The following ANKIB1 variants were observed in gnomAD, a reference collection of about 807,000 sequenced individuals.
ANKIB1 encodes the protein ankyrin repeat and IBR domain containing 1, also known as ankyrin repeat and IBR domain-containing protein 1.
ANKIB1 carries 43 observed loss-of-function variants against 122.1 expected under a neutral mutation model. That is an observed-to-expected ratio of 0.35 (90% CI 0.28 to 0.45). The LOEUF is 0.45. ANKIB1 is among the 20% of genes least tolerant of loss of function. The probability of loss-of-function intolerance (pLI) is 1.00; values close to 1 mark genes in which losing one functional copy is unlikely to be tolerated. For missense variants in ANKIB1, 992 were observed against 1,329.5 expected, an observed-to-expected ratio of 0.75 and a Z score of 3.95; for synonymous variants, 390 against 442.0, an observed-to-expected ratio of 0.88 and a Z score of 1.48.
chr7:92,386,383 T>G, intron 11 of ANKIB1, 126 bp from the exon 12 acceptor site: 27 of 1,041,866 alleles, frequency 2.6e-5, no homozygotes, highest in South Asian at 4.3e-5. Context: ...GGCATGTCTT[T>G]GAGAAGATTT....
chr7:92,278,909 A>G (rs10953067), intron 1 of ANKIB1, among the ~76,000 whole-genome samples: 14,293 of 152,262 alleles, frequency 0.094, 889 homozygotes, highest in East Asian at 0.36. Flanking sequence ...GTAAGTTGCA[A>G]TGAATCAAGA....
intron 3 of ANKIB1, among the ~76,000 whole-genome samples, chr7:92,316,891 T>C (rs1165653838): frequency 2.0e-5 from 3 of 152,238 alleles, no homozygotes; most frequent in African/African-American, 4.8e-5. Context: ...TGATTTGTCT[T>C]GTTTTCTAAA....
intron 17 of ANKIB1, among the ~76,000 whole-genome samples, chr7:92,395,347 G>T (rs891251616): frequency 1.2e-4 from 18 of 152,112 alleles, no homozygotes. Flanking sequence ...ATATAGAAAA[G>T]AAGCTAAATA....
rs1803510146 is a variant in ANKIB1, at chr7:92,344,988, G to T, written c.1007G>T (p.Cys336Phe). ...CTTCTTCATCTCCAGTGTGACATTT[G>T]TATGTGCAGTATCTCTGTATTTGAA... The part of the protein sequence containing the change: ...GDLDTSLCDI[C>F]MCSISVFEDP... The change falls in exon 7 of 20, where the codon TGT becomes TTT. Residue 336 changes from cysteine to phenylalanine, a missense_variant. Physicochemically the swap from Cys to Phe is radical, Grantham distance 205. Coordinates refer to ENST00000265742, the MANE Select transcript of ANKIB1 (RefSeq NM_019004.2). 1 of 1,610,062 alleles carries T rather than the reference G, an allele frequency of 6.2e-7. No individual in the cohort carries two copies. The highest frequency in any genetic ancestry group is 8.5e-7 in the Non-Finnish European group (1 of 1,177,188).
At chr7:92,319,764 T>C in intron 4 of ANKIB1, 3 of 378,576 alleles carry the variant, frequency 7.9e-6, no homozygotes, top group Non-Finnish European at 1.4e-5. Flanking sequence ...AGCAAGACTC[T>C]ATCTACAAAA....
At chr7:92,247,027 T>C (rs193016079) in intron 1 of ANKIB1, among the ~76,000 whole-genome samples, 84 of 152,340 alleles carry the variant, frequency 5.5e-4, no homozygotes, top group South Asian at 1.4e-3. Flanking sequence ...TGTATTCTTA[T>C]TCTTCTCCGT....
At chr7:92,380,415 G>A (rs975393435) in intron 11 of ANKIB1, among the ~76,000 whole-genome samples, 3 of 152,136 alleles carry the variant, frequency 2.0e-5, no homozygotes, top group Admixed American at 6.5e-5. Flanking sequence ...CTCTGAGAAC[G>A]GACAGACCAC....
chr7:92,377,772 A>G (rs1254801985), intron 11 of ANKIB1, among the ~76,000 whole-genome samples: 1 of 152,186 alleles, frequency 6.6e-6, no homozygotes, highest in African/African-American at 2.4e-5. Flanking sequence ...TAGAAGAGAT[A>G]GAGTATCCCC....
At chr7:92,304,690 C>T (rs139480347) in intron 2 of ANKIB1, among the ~76,000 whole-genome samples, 1 of 152,024 alleles carries the variant, frequency 6.6e-6, no homozygotes, top group Non-Finnish European at 1.5e-5. Context: ...GTCAATCATG[C>T]CTTGTAGAAG....
At chr7:92,310,217 T>C (rs1391760341) in intron 3 of ANKIB1, among the ~76,000 whole-genome samples, 1 of 151,994 alleles carries the variant, frequency 6.6e-6, no homozygotes, top group African/African-American at 2.4e-5. Context: ...CTTTAACTGT[T>C]TGACCTATCA....
intron 1 of ANKIB1, among the ~76,000 whole-genome samples, chr7:92,269,962 C>T (rs1042014481): frequency 3.3e-5 from 5 of 150,736 alleles, no homozygotes; most frequent in South Asian, 2.1e-4. Flanking sequence ...CACCCCCCAC[C>T]GACCCCCTGA....
chr7:92,298,781 A>AAC (rs1396961599), intron 2 of ANKIB1, among the ~76,000 whole-genome samples: 1 of 151,786 alleles, frequency 6.6e-6, no homozygotes, highest in East Asian at 1.9e-4. Flanking sequence ...AAAAAAAAAA[A>AAC]AAAAAAAGCA....
intron 4 of ANKIB1, among the ~76,000 whole-genome samples, chr7:92,322,372 A>T (rs1286758208): frequency 2.0e-5 from 3 of 152,150 alleles, no homozygotes; most frequent in Admixed American, 6.6e-5. Flanking sequence ...TGCTAATTCT[A>T]TAGGAAAAAC....
chr7:92,317,011 G>T (rs1802807898), intron 3 of ANKIB1, among the ~76,000 whole-genome samples: 1 of 152,092 alleles, frequency 6.6e-6, no homozygotes, highest in Non-Finnish European at 1.5e-5. Flanking sequence ...TCTGAATAAA[G>T]AACTCAAGAA....
intron 1 of ANKIB1, among the ~76,000 whole-genome samples, chr7:92,255,578 G>A (rs1437990613): frequency 3.3e-5 from 5 of 152,100 alleles, no homozygotes; most frequent in Non-Finnish European, 7.4e-5. Context: ...TATCCAGTTT[G>A]GTGACTGTAA....
chr7:92,286,871 A>G (rs1426775079), intron 1 of ANKIB1, among the ~76,000 whole-genome samples: 1 of 152,182 alleles, frequency 6.6e-6, no homozygotes, highest in Non-Finnish European at 1.5e-5. Context: ...TCTTTGAGAA[A>G]ATACTATTTA....
chr7:92,253,398 A>G (rs1412186976), intron 1 of ANKIB1, among the ~76,000 whole-genome samples: 1 of 152,078 alleles, frequency 6.6e-6, no homozygotes, highest in African/African-American at 2.4e-5. Flanking sequence ...TGGAACCACA[A>G]CCCTTCACTG....
chr7:92,343,040 A>G lies in ANKIB1; in HGVS notation c.804A>G (p.Lys268=). Reference sequence around the variant, plus strand: ...TTCTTTAAGACTGGGACAGGGAGAAATTACTTGAAGCTTGGATGTCCAACC... The same window carrying G: ...TTCTTTAAGACTGGGACAGGGAGAAGTTACTTGAAGCTTGGATGTCCAACC... ...LLRAHDWDRE[K]LLEAWMSNPE... is the part of the protein sequence containing the mutation. The change falls in exon 6 of 20, where the codon AAA becomes AAG. Residue 268 remains lysine, a synonymous_variant. Coordinates refer to ENST00000265742, the MANE Select transcript of ANKIB1 (RefSeq NM_019004.2). The G allele has an allele frequency of 1.9e-6, 3 of 1,613,896 alleles. No individual in the cohort carries two copies. The highest frequency in any genetic ancestry group is 1.1e-5 in the South Asian group (1 of 91,064).
intron 5 of ANKIB1, among the ~76,000 whole-genome samples, chr7:92,342,227 A>C (rs1436565753): frequency 1.3e-5 from 2 of 152,174 alleles, no homozygotes; most frequent in Non-Finnish European, 2.9e-5. Flanking sequence ...TCTCTGTGTG[A>C]GCTTGGACAA....
Sources: gnomAD v4.1 joint callset for allele counts (sites outside exome capture counted in the v4.1 genomes callset) on GRCh38, gnomAD v4.1.1 for gene constraint, MANE v1.5 for transcripts, NCBI Gene and HGNC (gene_info 2026-07-23, HGNC 2026-07-21) for gene names.